The following EDEM1 variants were observed in gnomAD, a reference collection of about 807,000 sequenced individuals.
EDEM1 encodes the protein ER degradation enhancing alpha-mannosidase like protein 1.
A neutral mutation model predicts 74.4 loss-of-function variants in EDEM1; 67 were observed. That is an observed-to-expected ratio of 0.90 (90% CI 0.74 to 1.10). The LOEUF (loss-of-function observed/expected upper bound fraction) is 1.10, where lower values mean the gene tolerates loss of function less well. EDEM1 is among the 50% of genes least tolerant of loss of function. The pLI is 0.00. For synonymous variants in EDEM1, 382 were observed against 335.9 expected (o/e 1.14, Z -1.50); for missense variants, 926 against 851.6 (o/e 1.09, Z -1.09).
chr3:5,204,400 G>T (rs1490236042), intron 5 of EDEM1, among the ~76,000 whole-genome samples: 2 of 151,078 alleles, frequency 1.3e-5, no homozygotes, highest in African/African-American at 2.4e-5. Flanking sequence ...TTGAGACAGG[G>T]TCTCCCTCCA....
intron 1 of EDEM1, 128 bp downstream of exon 1, chr3:5,188,442 C>T (rs2054857146): frequency 3.6e-6 from 4 of 1,102,826 alleles, no homozygotes; most frequent in East Asian, 6.7e-5. Context: ...GGGCAGCGCT[C>T]CCGCGCCCTG....
In EDEM1 at chr3:5,188,341, G is replaced by GCGCGCCCA. The variant is rs751805352; in HGVS notation, c.509+33_509+40dup. The stretch of plus-strand genomic sequence containing the variant: ...TGAGTAGCCCCCGCCGCCCGGGGCC[G>GCGCGCCCA]CGCGCCCACGCGCTTCCTTCCGCCC... On this transcript the variant is annotated intron_variant, in intron 1 of 11. Transcript: ENST00000256497. 2.2e-6 allele frequency: 3 copies of GCGCGCCCA among 1,388,426 alleles called. No homozygotes were observed. The South Asian group carries it at 5.1e-5, about 23-fold the overall frequency. The allele number at this position is 1,388,426 out of a possible 1,614,324, so 86.0% of individuals were successfully genotyped here.
rs774584630 is a variant in EDEM1 at position 5,187,890 on chromosome 3, C to G, written c.85C>G (p.Pro29Ala). 1.9e-6 allele frequency: 3 copies of G among 1,596,442 alleles called. No homozygotes were observed. The highest frequency in any genetic ancestry group is 2.3e-5 in the East Asian group (1 of 43,484). ...GVLWLVFGLG[P>A]SMGFYQRFPL... is the part of the protein sequence containing the mutation. ...ATTGTGGCTCGTCTTCGGGCTGGGGCCCAGCATGGGCTTCTACCAGCGCTT... is the reference window on the plus strand; with the variant it reads ...ATTGTGGCTCGTCTTCGGGCTGGGGGCCAGCATGGGCTTCTACCAGCGCTT... The change falls in exon 1 of 12, where the codon CCC (proline) becomes GCC (alanine). Residue 29 changes from proline to alanine, a missense_variant. Pro to Ala is a conservative substitution (Grantham distance 27). Transcript: ENST00000256497.
At chr3:5,212,451 C>T (rs964507938) in intron 10 of EDEM1, among the ~76,000 whole-genome samples, 3 of 152,176 alleles carry the variant, frequency 2.0e-5, no homozygotes, top group Admixed American at 6.5e-5. Context: ...GTCAGAAGGA[C>T]GTTAACAGGG....
intron 8 of EDEM1, 140 bp downstream of exon 8, chr3:5,208,403 T>A: frequency 9.9e-7 from 1 of 1,010,908 alleles, no homozygotes; most frequent in Non-Finnish European, 1.4e-6. Context: ...CTATCCGTAG[T>A]CTTGTTAGTG....
At chr3:5,214,848 C>G (rs769829655) in intron 11 of EDEM1, among the ~76,000 whole-genome samples, 2 of 152,156 alleles carry the variant, frequency 1.3e-5, no homozygotes, top group Admixed American at 1.3e-4. Flanking sequence ...CAGAAGGGCT[C>G]CCGGTTCTGG....
In EDEM1 at chr3:5,195,196, T is replaced by C. The variant is rs765660674; in HGVS notation, c.510-13T>C. The C allele has an allele frequency of 1.4e-6, 2 of 1,468,140 alleles. No homozygotes were observed. Among genetic ancestry groups the C allele is most frequent in the East Asian group, 4.9e-5 (2 of 41,134 alleles). The allele number at this position is 1,468,140 out of a possible 1,614,324, so 90.9% of individuals were successfully genotyped here. A position where few individuals can be genotyped will look rare whatever the true frequency, so the allele number is the denominator to read the frequency against. ...ATAAAGTCTTTTTGTTGAATTTTAATTTTCTTTTTCAGTTCAAATCTGAAC... is the reference window on the plus strand; with the variant it reads ...ATAAAGTCTTTTTGTTGAATTTTAACTTTCTTTTTCAGTTCAAATCTGAAC... On this transcript the variant is annotated splice_polypyrimidine_tract_variant and intron_variant, in intron 1 of 11. Coordinates refer to ENST00000256497, the MANE Select transcript of EDEM1 (RefSeq NM_014674.3).
intron 11 of EDEM1, among the ~76,000 whole-genome samples, chr3:5,214,346 G>A (rs1373175246): frequency 2.0e-5 from 3 of 152,204 alleles, no homozygotes; most frequent in African/African-American, 7.2e-5. Context: ...CATTAGGGGT[G>A]CCCTCTCATC....
intron 1 of EDEM1, among the ~76,000 whole-genome samples, chr3:5,190,873 T>C (rs2054894183): frequency 6.6e-6 from 1 of 152,116 alleles, no homozygotes; most frequent in South Asian, 2.1e-4. Context: ...TTTTTAAATA[T>C]TTTTTAAAAA....
chr3:5,202,798 T>C (rs1200131174), intron 4 of EDEM1, among the ~76,000 whole-genome samples, 168 bp from the exon 5 acceptor site: 1 of 152,170 alleles, frequency 6.6e-6, no homozygotes, highest in Non-Finnish European at 1.5e-5. Flanking sequence ...GTTTGTGTCT[T>C]TTAAATTTAA....
At position 5,205,227 on chromosome 3, in the gene EDEM1, C is replaced by T. The variant is rs1231346002; in HGVS notation, c.1203C>T (p.Asn401=). ...MFNAAYQSIQ[N]YLRRGREACN... is the part of the protein sequence containing the mutation. Reference sequence around the variant, plus strand: ...ATGCTGCATATCAGAGTATTCAGAACTACTTAAGAAGAGGGTATGTCTCCC... The same window carrying T: ...ATGCTGCATATCAGAGTATTCAGAATTACTTAAGAAGAGGGTATGTCTCCC... The change falls in exon 6 of 12, where the codon AAC becomes AAT. Residue 401 remains asparagine (N), a synonymous_variant. Coordinates refer to ENST00000256497, the MANE Select transcript of EDEM1 (RefSeq NM_014674.3). 3.1e-6 allele frequency: 5 copies of T among 1,613,782 alleles called. No homozygotes were observed. The highest frequency in any genetic ancestry group is 4.2e-6 in the Non-Finnish European group (5 of 1,179,826).
chr3:5,211,292 C>T (rs2055164156), intron 10 of EDEM1, 76 bp downstream of exon 10: 1 of 1,380,438 alleles, frequency 7.2e-7, no homozygotes, highest in South Asian at 1.2e-5. Context: ...TTCCATCTGA[C>T]AGGTACTTAC....
chr3:5,188,204 G>A lies in EDEM1; in HGVS notation c.399G>A (p.Leu133=), dbSNP rs2054851905. ...AGCTGCGTGCCCAGATGCGCGACCT[G>A]GCACGGGGCATGTTCGTCTTTGGCT... ...PPQLRAQMRD[L]ARGMFVFGYD... The change falls in exon 1 of 12, where the codon CTG becomes CTA. Residue 133 remains leucine (L), a synonymous_variant. Transcript: ENST00000256497. 1.9e-6 allele frequency: 3 copies of A among 1,581,246 alleles called. No homozygotes were observed. Among genetic ancestry groups the A allele is most frequent in the South Asian group, 2.3e-5 (2 of 86,360 alleles).
intron 5 of EDEM1, 88 bp from the exon 6 acceptor site, chr3:5,204,979 C>G: frequency 1.4e-6 from 2 of 1,405,448 alleles, no homozygotes; most frequent in Non-Finnish European, 9.8e-7. Flanking sequence ...TGCTGAGGAG[C>G]AGTGTGGTTG....
At position 5,188,134 on chromosome 3, in the gene EDEM1, G is replaced by A; in HGVS notation, c.329G>A (p.Gly110Asp). 6.5e-7 allele frequency: 1 copy of A among 1,531,530 alleles called. No individual in the cohort carries two copies. Among genetic ancestry groups the A allele is most frequent in the South Asian group, 1.2e-5 (1 of 81,996 alleles). 94.9% of individuals were successfully genotyped at this position (1,531,530 alleles called of 1,614,324 possible). Residue 110 changes from glycine (G) to aspartate (D), a missense_variant, in exon 1 of 12, where the codon GGC becomes GAC. By Grantham distance (94) the Gly-to-Asp change is moderately conservative (BLOSUM62 -1). Coordinates refer to ENST00000256497, the MANE Select transcript of EDEM1 (RefSeq NM_014674.3). ...WGYVLGGRGR[G>D]PDEYEKRYSG... The stretch of plus-strand genomic sequence containing the variant: ...TACGTGCTGGGCGGCCGGGGCCGCG[G>A]CCCGGACGAGTACGAGAAGCGCTAC...
At position 5,216,010 on chromosome 3, in the gene EDEM1, G is replaced by A. The variant is rs1016847685; in HGVS notation, c.*92G>A. On this transcript the variant is annotated 3_prime_UTR_variant, in exon 12 of 12. Transcript: ENST00000256497. ...CAGTCTGAAATGAAAGGGGACAGAAGTCTTGCTGTCCATGGTGGTGTAGGA... is the reference window on the plus strand; with the variant it reads ...CAGTCTGAAATGAAAGGGGACAGAAATCTTGCTGTCCATGGTGGTGTAGGA... 38 of 1,052,364 alleles carry A rather than the reference G, an allele frequency of 3.6e-5. No homozygotes were observed. In the Admixed American group the frequency reaches 5.0e-4, roughly 14 times the overall value. The allele number at this position is 1,052,364 out of a possible 1,614,324, so 65.2% of individuals were successfully genotyped here.
chr3:5,209,886 T>C (rs1178401013), intron 8 of EDEM1, among the ~76,000 whole-genome samples: 1 of 152,226 alleles, frequency 6.6e-6, no homozygotes, highest in African/African-American at 2.4e-5. Flanking sequence ...GTGGGCATTG[T>C]TTTGTTTCTA....
chr3:5,200,247 C>T (rs188403505), intron 3 of EDEM1, among the ~76,000 whole-genome samples: 171 of 152,266 alleles, frequency 1.1e-3, no homozygotes, highest in Admixed American at 2.9e-3. Flanking sequence ...TATGTTTTAA[C>T]GGGGGTGTAA....
intron 1 of EDEM1, among the ~76,000 whole-genome samples, chr3:5,191,568 C>A (rs1357954636): frequency 6.6e-6 from 1 of 152,108 alleles, no homozygotes; most frequent in Non-Finnish European, 1.5e-5. Context: ...CAAATGTATT[C>A]TAATGACTCA....
Sources: allele counts gnomAD v4.1 joint callset (sites outside exome capture counted in the v4.1 genomes callset), GRCh38; gene constraint gnomAD v4.1.1; transcripts MANE v1.5; gene names NCBI Gene and HGNC (gene_info 2026-07-23, HGNC 2026-07-21).